FAM186B: variants seen among roughly 807,000 people sequenced by gnomAD.
The protein encoded by FAM186B is protein FAM186B.
Under a neutral mutation model 83.4 loss-of-function variants are expected in FAM186B, and 68 were observed. The observed-to-expected ratio is 0.81, with a 90% CI of 0.67 to 1.00. The LOEUF (loss-of-function observed/expected upper bound fraction) is 1.00, where lower values mean the gene tolerates loss of function less well. Among genes scored for constraint, FAM186B ranks in the 50% least tolerant of loss-of-function variants. The pLI, the probability that FAM186B is intolerant of heterozygous loss-of-function variation, is 0.00. For synonymous variants in FAM186B, 389 were observed against 422.0 expected, an observed-to-expected ratio of 0.92 and a Z score of 0.96; for missense variants, 983 against 1,099.2, an observed-to-expected ratio of 0.89 and a Z score of 1.49.
chr12:49,592,549 T>C (rs1377183296), intron 5 of FAM186B, among the ~76,000 whole-genome samples: 1 of 151,944 alleles, frequency 6.6e-6, no homozygotes, highest in Admixed American at 6.6e-5. Flanking sequence ...CTTGGGAGGC[T>C]GAGGCGGGTG....
At chr12:49,585,377 C>T (rs115690442), downstream of FAM186B, among the ~76,000 whole-genome samples, 2,399 of 152,254 alleles carry the variant, frequency 0.016, 61 homozygotes, top group African/African-American at 0.054. Flanking sequence ...GGGCATAGCA[C>T]TCAGAGTCAA....
the FAM186B span, among the ~76,000 whole-genome samples, chr12:49,616,648 T>C: frequency 6.6e-6 from 1 of 152,292 alleles, no homozygotes; most frequent in Non-Finnish European, 1.5e-5. Flanking sequence ...ATTCCACTTA[T>C]ATGAAATTCT....
At chr12:49,606,363 C>T (rs138859566), upstream of FAM186B, among the ~76,000 whole-genome samples, 1,384 of 151,774 alleles carry the variant, frequency 9.1e-3, 12 homozygotes, top group Non-Finnish European at 0.012. Context: ...GGCATGGTGG[C>T]GCATGCCTGG....
At position 49,600,168 on chromosome 12, in the gene FAM186B, T is replaced by TG. The variant is rs762337069; in HGVS notation, c.1471dup (p.Gln491ProfsTer109). The TG allele has an allele frequency of 5.0e-6, 8 of 1,613,500 alleles. No homozygotes were observed. In the Admixed American group the frequency reaches 5.0e-5, roughly 10 times the overall value. ...CATCTCCTCCTCCTCCAGCCACAGC[T>TG]GCCTCCGCATCTCCCGGCCGAATTC... On this transcript the variant is annotated frameshift_variant, in exon 4 of 7. Transcript: ENST00000257894. LOFTEE classifies it high-confidence loss of function. This position sits in a 1 kb window ranked among gnomAD's most constrained non-coding sequence, Gnocchi z 4.3.
upstream of FAM186B, among the ~76,000 whole-genome samples, chr12:49,608,929 C>G (rs569548403): frequency 6.6e-6 from 1 of 152,226 alleles, no homozygotes; most frequent in African/African-American, 2.4e-5. Context: ...AGGCATTTCC[C>G]AGGCCCAGGA....
Position 49,604,449 on chromosome 12 carries a change from T to G in FAM186B, c.186A>C (p.Glu62Asp), listed in dbSNP as rs761287102. 6.2e-7 allele frequency: 1 copy of G among 1,614,238 alleles called. No homozygotes were observed. Among genetic ancestry groups the G allele is most frequent in the South Asian group, 1.1e-5 (1 of 91,088 alleles). Residue 62 changes from glutamate (E) to aspartate (D), a missense_variant, in exon 2 of 7, where the codon GAA becomes GAC. Physicochemically the swap from Glu to Asp is conservative, Grantham distance 45 (BLOSUM62 2). Transcript: ENST00000257894. ...FQEELGYDLK[E>D]NAKSQQRDPK... is the part of the protein sequence containing the mutation. ...GATCTCTCTGCTGAGATTTGGCATT[T>G]TCTTTTAAATCATATCCTAATTCTT...
rs199589741 is a variant in FAM186B, at chr12:49,603,254, T to C, written c.436A>G (p.Lys146Glu). The C allele has an allele frequency of 6.2e-7, 1 of 1,614,200 alleles. No individual in the cohort carries two copies. Among genetic ancestry groups the C allele is most frequent in the Non-Finnish European group, 8.5e-7 (1 of 1,180,036 alleles). Residue 146 changes from lysine to glutamate, a missense_variant, in exon 3 of 7, where the codon AAA becomes GAA. Transcript: ENST00000257894. ...KVLPLSLIATKRGIESLTALC... is the reference protein window; with the variant it reads ...KVLPLSLIATERGIESLTALC... ...GCAGTGAGTGACTCGATGCCTCTTT[T>C]GGTGGCAATGAGGGACAGCGGTAAC... is the stretch of plus-strand genomic sequence containing the variant.
At chr12:49,592,243 G>C (rs1417266306) in intron 5 of FAM186B, among the ~76,000 whole-genome samples, 1 of 152,210 alleles carries the variant, frequency 6.6e-6, no homozygotes, top group Non-Finnish European at 1.5e-5. Context: ...GGAGGCCGAG[G>C]TGGGCAGAGC....
the FAM186B span, among the ~76,000 whole-genome samples, chr12:49,611,976 C>T: frequency 1.3e-5 from 2 of 151,970 alleles, no homozygotes; most frequent in African/African-American, 2.4e-5. Flanking sequence ...TACAAGAGAT[C>T]CTTAAGGGAG....
chr12:49,612,361 A>C, the FAM186B span, among the ~76,000 whole-genome samples: 2 of 146,060 alleles, frequency 1.4e-5, no homozygotes, highest in African/African-American at 2.7e-5. Context: ...ACTTTAATCC[A>C]ACAAAGTTTT....
downstream of FAM186B, chr12:49,584,593 C>A (rs1355533862): frequency 8.5e-6 from 6 of 702,252 alleles, no homozygotes; most frequent in East Asian, 1.6e-4. Context: ...CCTGGCATTC[C>A]TTCCTTTGGT....
the FAM186B span, among the ~76,000 whole-genome samples, chr12:49,612,037 T>C: frequency 1.3e-5 from 2 of 152,002 alleles, no homozygotes; most frequent in African/African-American, 4.8e-5. Flanking sequence ...AAAATACAGT[T>C]AGGTGAATAG....
chr12:49,599,251 G>C (rs1044592441), intron 4 of FAM186B, among the ~76,000 whole-genome samples: 6 of 152,122 alleles, frequency 3.9e-5, no homozygotes, highest in African/African-American at 1.4e-4. Context: ...CCACTACAGG[G>C]AGAGCAGTGC....
chr12:49,613,513 C>A, the FAM186B span, among the ~76,000 whole-genome samples: 2 of 129,274 alleles, frequency 1.5e-5, no homozygotes, highest in Admixed American at 8.1e-5. Context: ...GGCGACAGAG[C>A]AAGACTCCAT....
Position 49,600,208 on chromosome 12 carries a change from C to A in FAM186B, c.1432G>T (p.Glu478Ter). 6.2e-7 allele frequency: 1 copy of A among 1,612,742 alleles called. No homozygotes were observed. Among genetic ancestry groups the A allele is most frequent in the Non-Finnish European group, 8.5e-7 (1 of 1,179,070 alleles). Residue 478 changes from glutamate to a stop codon, truncating the protein, a stop_gained, in exon 4 of 7, where the codon GAG becomes TAG. Coordinates refer to ENST00000257894, the MANE Select transcript of FAM186B (RefSeq NM_032130.3). LOFTEE classifies it high-confidence loss of function. The surrounding 1 kb of genome is among the most constrained non-coding windows in gnomAD (Gnocchi z 4.3). Reference protein sequence around the residue: ...SRQVTSESQEEPWEEEFGREM... With the variant: ...SRQVTSESQE Reference sequence around the variant, plus strand: ...CGGCCGAATTCCTCCTCCCAGGGCTCCTCTTGGCTCTCAGAGGTCACCTGC... The same window carrying A: ...CGGCCGAATTCCTCCTCCCAGGGCTACTCTTGGCTCTCAGAGGTCACCTGC...
In FAM186B at chr12:49,601,011, G is replaced by A. The variant is rs914089091; in HGVS notation, c.629C>T (p.Ser210Leu). The A allele has an allele frequency of 1.2e-6, 2 of 1,614,142 alleles. No homozygotes were observed. The highest frequency in any genetic ancestry group is 1.1e-5 in the South Asian group (1 of 91,064). The change falls in exon 4 of 7, where the codon TCG becomes TTG. Residue 210 changes from serine to leucine, a missense_variant. Coordinates refer to ENST00000257894, the MANE Select transcript of FAM186B (RefSeq NM_032130.3). The part of the protein sequence containing the change: ...QDQHTMNTKA[S>L]EVTSMLQELL... Reference sequence around the variant, plus strand: ...CTCCTGCAGCATGGACGTCACCTCCGAGGCCTTCGTGTTCATGGTATGCTG... The same window carrying A: ...CTCCTGCAGCATGGACGTCACCTCCAAGGCCTTCGTGTTCATGGTATGCTG...
downstream of FAM186B, among the ~76,000 whole-genome samples, chr12:49,586,103 C>T (rs530282741): frequency 2.2e-4 from 34 of 152,264 alleles, no homozygotes; most frequent in Admixed American, 4.6e-4. Context: ...GTGAGATCAA[C>T]GCAGTAAACA....
downstream of FAM186B, among the ~76,000 whole-genome samples, chr12:49,585,674 C>A (rs1939426584): frequency 6.6e-6 from 1 of 152,164 alleles, no homozygotes; most frequent in African/African-American, 2.4e-5. Flanking sequence ...GAGGTCAGGC[C>A]TAGTTATGAA....
chr12:49,595,087 A>C lies in FAM186B; in HGVS notation c.2364+3668T>G, dbSNP rs911569182. The C allele has an allele frequency of 2.1e-5, 6 of 281,988 alleles. No homozygotes were observed. In the South Asian group the frequency reaches 2.9e-4, roughly 13 times the overall value. The allele number at this position is 281,988 out of a possible 1,614,324, so 17.5% of individuals were successfully genotyped here. On this transcript the variant is annotated intron_variant, in intron 5 of 6. Coordinates refer to ENST00000257894, the MANE Select transcript of FAM186B (RefSeq NM_032130.3). ...TTGTATAAATTAAAGTCTTAGTATAAAATAGTTCTACAATAGCATGAAAAC... is the reference window on the plus strand; with the variant it reads ...TTGTATAAATTAAAGTCTTAGTATACAATAGTTCTACAATAGCATGAAAAC...
Sources: allele counts gnomAD v4.1 joint callset (sites outside exome capture counted in the v4.1 genomes callset), GRCh38; gene constraint gnomAD v4.1.1; non-coding constraint Gnocchi (gnomAD v3.1); transcripts MANE v1.5; gene names NCBI Gene and HGNC (gene_info 2026-07-23, HGNC 2026-07-21).